Variants in DLGAP1 observed in about 807,000 individuals in gnomAD.
DLGAP1 encodes the protein DLG associated protein 1.
Under a neutral mutation model 90.8 loss-of-function variants are expected in DLGAP1, and 11 were observed. The observed-to-expected ratio is 0.12, with a 90% CI of 0.08 to 0.20. The LOEUF is 0.20. Ranked by LOEUF, DLGAP1 falls within the 10% of genes least tolerant of loss-of-function variation. DLGAP1 has a pLI of 1.00. For synonymous variants in DLGAP1, 558 were observed against 540.7 expected (o/e 1.03, Z -0.44); for missense variants, 1,050 against 1,333.8 (o/e 0.79, Z 3.31).
At chr18:3,695,994 C>G (rs2061078693) in intron 7 of DLGAP1, among the ~76,000 whole-genome samples, 1 of 152,072 alleles carries the variant, frequency 6.6e-6, no homozygotes, top group Non-Finnish European at 1.5e-5. Context: ...TGATTTGGCT[C>G]TCTGTCTATT....
At chr18:3,718,441 A>G (rs2061838438) in intron 7 of DLGAP1, among the ~76,000 whole-genome samples, 1 of 152,014 alleles carries the variant, frequency 6.6e-6, no homozygotes, top group Non-Finnish European at 1.5e-5. Context: ...GGGCATTTCT[A>G]GGATGCGTGG....
chr18:3,846,438 C>T (rs77830825), intron 4 of DLGAP1, among the ~76,000 whole-genome samples: 1,678 of 152,284 alleles, frequency 0.011, 27 homozygotes, highest in African/African-American at 0.036. Context: ...CCAGCAATCA[C>T]GCTTTTAGGC....
chr18:3,855,587 A>G (rs950928234), intron 4 of DLGAP1, among the ~76,000 whole-genome samples: 1 of 152,090 alleles, frequency 6.6e-6, no homozygotes, highest in Non-Finnish European at 1.5e-5. Flanking sequence ...AACAAAAGGG[A>G]GGTAGATTTT....
intron 7 of DLGAP1, among the ~76,000 whole-genome samples, chr18:3,673,912 A>G (rs1217917095): frequency 7.3e-6 from 1 of 137,462 alleles, no homozygotes; most frequent in East Asian, 2.3e-4. Flanking sequence ...GTGCGATCTC[A>G]GCTCACTGCG....
chr18:4,098,389 T>C (rs906280679), intron 2 of DLGAP1, among the ~76,000 whole-genome samples: 1 of 152,114 alleles, frequency 6.6e-6, no homozygotes, highest in Non-Finnish European at 1.5e-5. Context: ...CTGAGTGATA[T>C]AAAAAAAGTA....
intron 1 of DLGAP1, among the ~76,000 whole-genome samples, chr18:4,275,999 T>C (rs1479485697): frequency 6.6e-6 from 1 of 151,878 alleles, no homozygotes. Flanking sequence ...GCAAATATTC[T>C]GTGGCTAGGA....
At chr18:3,965,924 G>A (rs769410381) in intron 3 of DLGAP1, among the ~76,000 whole-genome samples, 8 of 123,358 alleles carry the variant, frequency 6.5e-5, no homozygotes, top group East Asian at 2.3e-4. Flanking sequence ...CTGGGCGACC[G>A]GGTAAGACTC....
intron 2 of DLGAP1, among the ~76,000 whole-genome samples, chr18:4,011,838 G>A (rs996593633): frequency 3.3e-5 from 5 of 151,232 alleles, no homozygotes; most frequent in African/African-American, 9.7e-5. Context: ...TGTCTCAAAC[G>A]ACAACAACAA....
At chr18:3,730,853 T>C (rs1449259803) in intron 6 of DLGAP1, among the ~76,000 whole-genome samples, 1 of 152,238 alleles carries the variant, frequency 6.6e-6, no homozygotes, top group Non-Finnish European at 1.5e-5. Context: ...AATCCCTGCA[T>C]ATTTTCCAGG....
At chr18:3,902,900 C>G (rs1002773602) in intron 3 of DLGAP1, among the ~76,000 whole-genome samples, 2 of 151,960 alleles carry the variant, frequency 1.3e-5, no homozygotes, top group African/African-American at 4.8e-5. Context: ...TCCTACAGAC[C>G]TTTTAAGACT....
At chr18:3,873,362 A>G (rs1402154797) in intron 4 of DLGAP1, among the ~76,000 whole-genome samples, 1 of 152,290 alleles carries the variant, frequency 6.6e-6, no homozygotes, top group South Asian at 2.1e-4. Context: ...TGCAAACCCA[A>G]TAGGAAATCC....
intron 1 of DLGAP1, among the ~76,000 whole-genome samples, chr18:4,263,977 T>C (rs899523911): frequency 6.6e-6 from 1 of 152,250 alleles, no homozygotes; most frequent in African/African-American, 2.4e-5. Flanking sequence ...GAAGTCAACA[T>C]TTCTTTAAGC....
intron 1 of DLGAP1, chr18:4,294,405 G>A (rs563980953): frequency 6.6e-6 from 1 of 152,392 alleles, no homozygotes; most frequent in African/African-American, 2.4e-5. Context: ...ATCATTCAGA[G>A]GTGGGTATAA....
At chr18:3,811,997 C>A (rs927112212) in intron 5 of DLGAP1, among the ~76,000 whole-genome samples, 1 of 152,172 alleles carries the variant, frequency 6.6e-6, no homozygotes, top group Admixed American at 6.5e-5. Context: ...TATCTTATCA[C>A]CCAAGACCCA....
intron 5 of DLGAP1, among the ~76,000 whole-genome samples, chr18:3,772,986 G>C (rs1416640424): frequency 6.6e-6 from 1 of 152,130 alleles, no homozygotes; most frequent in African/African-American, 2.4e-5. Flanking sequence ...TAATTAACTT[G>C]GCAGAGCCCA....
At chr18:4,227,850 G>A (rs2078224316) in intron 1 of DLGAP1, among the ~76,000 whole-genome samples, 1 of 151,224 alleles carries the variant, frequency 6.6e-6, no homozygotes, top group African/African-American at 2.4e-5. Context: ...AATAATAAAG[G>A]TTAGAGCAAA....
At chr18:4,095,715 A>T (rs1209857033) in intron 2 of DLGAP1, among the ~76,000 whole-genome samples, 1 of 152,022 alleles carries the variant, frequency 6.6e-6, no homozygotes, top group Admixed American at 6.6e-5. Context: ...TCAACCTTCA[A>T]CTGGAAACGA....
chr18:3,814,369 T>G, intron 4 of DLGAP1, 96 bp from the exon 5 acceptor site: 23 of 1,238,122 alleles, frequency 1.9e-5, no homozygotes, highest in Non-Finnish European at 2.5e-5. Flanking sequence ...CTATTTTTTT[T>G]TTTTTTTTTT....
At chr18:3,908,873 G>A (rs889349039) in intron 3 of DLGAP1, among the ~76,000 whole-genome samples, 1 of 152,096 alleles carries the variant, frequency 6.6e-6, no homozygotes, top group East Asian at 1.9e-4. Flanking sequence ...AGAGGCAAAG[G>A]CTTGCATATT....
Sources: gnomAD v4.1 joint callset for allele counts (sites outside exome capture counted in the v4.1 genomes callset) on GRCh38, gnomAD v4.1.1 for gene constraint, MANE v1.5 for transcripts, NCBI Gene and HGNC (gene_info 2026-07-23, HGNC 2026-07-21) for gene names.